Variants in RNF212B observed in about 807,000 individuals in gnomAD.
RNF212B encodes the protein E3 ubiquitin-protein ligase RNF212B.
A neutral mutation model predicts 55.5 loss-of-function variants in RNF212B; 52 were observed. That is an observed-to-expected ratio of 0.94 (90% CI 0.75 to 1.18). RNF212B has a LOEUF of 1.18. RNF212B is among the 50% of genes most tolerant of loss of function. The probability of loss-of-function intolerance (pLI) is 0.00; values close to 1 mark genes in which losing one functional copy is unlikely to be tolerated. For synonymous variants in RNF212B, 99 were observed against 121.4 expected, an observed-to-expected ratio of 0.82 and a Z score of 1.21; for missense variants, 289 against 350.4, an observed-to-expected ratio of 0.82 and a Z score of 1.40.
chr14:23,251,142 G>A (rs1389985832), intron 4 of RNF212B, among the ~76,000 whole-genome samples: 1 of 152,124 alleles, frequency 6.6e-6, no homozygotes, highest in Non-Finnish European at 1.5e-5. Flanking sequence ...GTTCAGTAAA[G>A]GTTTGCTAAA....
intron 11 of RNF212B, among the ~76,000 whole-genome samples, chr14:23,268,262 GC>G (rs1885836124): frequency 6.6e-6 from 1 of 152,106 alleles, no homozygotes; most frequent in African/African-American, 2.4e-5. Context: ...CCTTCAAAAA[GC>G]TCCAACCCTG....
At chr14:23,225,074 C>A (rs1019944231) in intron 2 of RNF212B, among the ~76,000 whole-genome samples, 7 of 151,394 alleles carry the variant, frequency 4.6e-5, no homozygotes, top group Admixed American at 4.6e-4. Flanking sequence ...CTTGATGCCA[C>A]CCCACACAAA....
At chr14:23,209,080 T>G (rs998325424) in intron 2 of RNF212B, among the ~76,000 whole-genome samples, 2 of 152,196 alleles carry the variant, frequency 1.3e-5, no homozygotes, top group African/African-American at 4.8e-5. Context: ...TTTATGGTTA[T>G]GTATTGATGA....
In RNF212B at chr14:23,260,749, C is replaced by T. The variant is rs1022587957; in HGVS notation, c.434+62C>T. On this transcript the variant is annotated intron_variant, in intron 7 of 14. Coordinates refer to ENST00000430154, the MANE Select transcript of RNF212B (RefSeq NM_001282322.3). ...TGAAAATTCCTGTTCTTTCTTGACT[C>T]CTGGCTGTGTGAACTCTGAGAGAGA... 6.4e-6 allele frequency: 9 copies of T among 1,411,610 alleles called. No homozygotes were observed. The African/African-American group carries it at 1.3e-4, about 20-fold the overall frequency. The allele number at this position is 1,411,610 out of a possible 1,614,324, so 87.4% of individuals were successfully genotyped here. A position where few individuals can be genotyped will look rare whatever the true frequency, so the allele number is the denominator to read the frequency against.
chr14:23,269,141 C>T (rs938049205), intron 12 of RNF212B, among the ~76,000 whole-genome samples, 178 bp downstream of exon 12: 3 of 152,048 alleles, frequency 2.0e-5, no homozygotes, highest in Non-Finnish European at 4.4e-5. Context: ...CCTGTCTCTA[C>T]TAAAAATAAA....
chr14:23,202,158 G>A (rs1483386248), intron 2 of RNF212B, among the ~76,000 whole-genome samples: 3 of 151,252 alleles, frequency 2.0e-5, no homozygotes, highest in Non-Finnish European at 2.9e-5. Context: ...GTCTGAGGCA[G>A]GAGAACTGCT....
intron 4 of RNF212B, among the ~76,000 whole-genome samples, chr14:23,254,288 AAAAC>A (rs147916079): frequency 0.21 from 25,489 of 120,124 alleles, 3,042 homozygotes; most frequent in South Asian, 0.28. Context: ...CTTTATCTCA[AAAAC>A]AAAACAAAAC....
rs145401386 is a variant in RNF212B at position 23,260,556 on chromosome 14, A to T, written c.406-103A>T. 425 of 1,039,202 alleles carry T rather than the reference A, an allele frequency of 4.1e-4. 1 individual carries two copies. In the African/African-American group the frequency reaches 6.2e-3, roughly 15 times the overall value. 64.4% of individuals were successfully genotyped at this position (1,039,202 alleles called of 1,614,324 possible). A position where few individuals can be genotyped will look rare whatever the true frequency, so the allele number is the denominator to read the frequency against. On this transcript the variant is annotated intron_variant, in intron 6 of 14. Transcript: ENST00000430154. The stretch of plus-strand genomic sequence containing the variant: ...CCTACTGGGAGTCTTAGCAACCATG[A>T]CTAAGGGGCACTGAGCTTAGTTATC...
At chr14:23,271,164 G>A (rs974256211) in intron 14 of RNF212B, among the ~76,000 whole-genome samples, 1 of 152,110 alleles carries the variant, frequency 6.6e-6, no homozygotes, top group East Asian at 1.9e-4. Context: ...AGTCACCGGG[G>A]GCGGTGGTAC....
intron 4 of RNF212B, among the ~76,000 whole-genome samples, chr14:23,253,736 A>G (rs1237519320): frequency 6.6e-6 from 1 of 152,164 alleles, no homozygotes; most frequent in Non-Finnish European, 1.5e-5. Context: ...ATGTCCTTTT[A>G]TCAAGCAAAT....
intron 4 of RNF212B, among the ~76,000 whole-genome samples, chr14:23,252,715 T>A (rs1004934213): frequency 7.2e-5 from 11 of 152,320 alleles, no homozygotes; most frequent in Middle Eastern, 6.8e-3. Context: ...AATTGCATTC[T>A]CATGCTGATT....
In RNF212B at chr14:23,244,310, C is replaced by T. The variant is rs1303249534; in HGVS notation, c.154-12C>T. The T allele has an allele frequency of 6.6e-7, 1 of 1,506,866 alleles. No homozygotes were observed. The highest frequency in any genetic ancestry group is 2.1e-5 in the Admixed American group (1 of 48,424). The allele number at this position is 1,506,866 out of a possible 1,614,324, so 93.3% of individuals were successfully genotyped here. On this transcript the variant is annotated splice_polypyrimidine_tract_variant and intron_variant, in intron 3 of 14. Coordinates refer to ENST00000430154, the MANE Select transcript of RNF212B (RefSeq NM_001282322.3). ...GTGGATATTCTCACAGTGTGTATTG[C>T]TCTCTTCGTAGCTGAAGCCTCAGGA...
At chr14:23,237,215 C>T (rs1280304433), upstream of RNF212B, among the ~76,000 whole-genome samples, 1 of 151,760 alleles carries the variant, frequency 6.6e-6, no homozygotes, top group East Asian at 1.9e-4. Context: ...CTGCAACCTC[C>T]GCCTTCCGGG....
At chr14:23,229,259 T>TATATATATATATATAC (rs1434448490) in intron 2 of RNF212B, among the ~76,000 whole-genome samples, 9 of 122,484 alleles carry the variant, frequency 7.3e-5, no homozygotes, top group African/African-American at 1.9e-4. Flanking sequence ...TATATATATA[T>TATATATATATATATAC]ATACCACATT....
intron 2 of RNF212B, among the ~76,000 whole-genome samples, chr14:23,210,605 G>A (rs139318359): frequency 0.039 from 5,942 of 151,522 alleles, 389 homozygotes; most frequent in African/African-American, 0.14. Context: ...GTGAAACCCC[G>A]TCTCTACTAA....
intron 7 of RNF212B, among the ~76,000 whole-genome samples, chr14:23,261,898 G>A (rs1224606371): frequency 6.6e-6 from 1 of 152,078 alleles, no homozygotes; most frequent in East Asian, 1.9e-4. Context: ...CCAGGAGGCA[G>A]AGCTGGCAGT....
intron 2 of RNF212B, among the ~76,000 whole-genome samples, chr14:23,242,074 TCC>T (rs1883617233): frequency 1.5e-5 from 1 of 65,326 alleles, no homozygotes; most frequent in Non-Finnish European, 2.9e-5. Flanking sequence ...AGAGCAAGAC[TCC>T]GTCTCAAAAA....
chr14:23,261,820 C>T (rs1885313100), intron 7 of RNF212B, among the ~76,000 whole-genome samples: 1 of 151,916 alleles, frequency 6.6e-6, no homozygotes, highest in South Asian at 2.1e-4. Flanking sequence ...ACAAAATTAG[C>T]CGGGCGTGGT....
At chr14:23,232,895 C>G (rs531308212) in intron 2 of RNF212B, among the ~76,000 whole-genome samples, 4 of 110,902 alleles carry the variant, frequency 3.6e-5, no homozygotes, top group Non-Finnish European at 8.9e-5. Context: ...GCCACCACCC[C>G]ATCTGGGAGG....
Sources: allele counts gnomAD v4.1 joint callset (sites outside exome capture counted in the v4.1 genomes callset), GRCh38; gene constraint gnomAD v4.1.1; transcripts MANE v1.5; gene names NCBI Gene and HGNC (gene_info 2026-07-23, HGNC 2026-07-21).